TENM3: variants seen among roughly 807,000 people sequenced by gnomAD.
TENM3 encodes teneurin transmembrane protein 3.
Under a neutral mutation model 255.1 loss-of-function variants are expected in TENM3, and 63 were observed. That is an observed-to-expected ratio of 0.25 (90% CI 0.20 to 0.30). The LOEUF (loss-of-function observed/expected upper bound fraction) is 0.30. TENM3 is among the 10% of genes least tolerant of loss of function. The probability of loss-of-function intolerance (pLI) is 1.00; values close to 1 mark genes in which losing one functional copy is unlikely to be tolerated. For missense variants in TENM3, 2,929 were observed against 3,461.1 expected (o/e 0.85, Z 3.86); for synonymous variants, 1,306 against 1,322.3 (o/e 0.99, Z 0.27).
the TENM3 span, among the ~76,000 whole-genome samples, chr4:182,028,379 G>T: frequency 6.6e-6 from 1 of 152,000 alleles, no homozygotes; most frequent in African/African-American, 2.4e-5. Context: ...CTGGATAAAG[G>T]CTTGTCAATT....
intron 21 of TENM3, 57 bp downstream of exon 21, chr4:182,753,661 A>C: frequency 5.2e-6 from 8 of 1,548,830 alleles, no homozygotes; most frequent in Non-Finnish European, 7.1e-6. Context: ...TGACTTATTC[A>C]GTCGGTAGAC....
the TENM3 span, among the ~76,000 whole-genome samples, chr4:181,483,248 G>C: frequency 8.6e-5 from 13 of 152,042 alleles, no homozygotes; most frequent in Non-Finnish European, 1.2e-4. Context: ...TTTTGGGAAC[G>C]TGTTTTTTTA....
At chr4:182,670,816 C>T (rs755428161) in intron 6 of TENM3, among the ~76,000 whole-genome samples, 1 of 152,158 alleles carries the variant, frequency 6.6e-6, no homozygotes, top group Non-Finnish European at 1.5e-5. Context: ...ATTATATACA[C>T]ACACCCCACC....
chr4:182,519,538 A>G (rs1411946338), intron 3 of TENM3, among the ~76,000 whole-genome samples: 1 of 152,218 alleles, frequency 6.6e-6, no homozygotes, highest in Non-Finnish European at 1.5e-5. Flanking sequence ...AAGCAACCCC[A>G]GGAAAGCTTA....
chr4:182,728,383 C>T (rs1272849693), intron 13 of TENM3, among the ~76,000 whole-genome samples: 1 of 152,192 alleles, frequency 6.6e-6, no homozygotes, highest in African/African-American at 2.4e-5. Context: ...CCTTCATACT[C>T]CTACCAATAG....
chr4:181,998,971 T>A, the TENM3 span, among the ~76,000 whole-genome samples: 2 of 152,296 alleles, frequency 1.3e-5, 1 homozygote, highest in Non-Finnish European at 2.9e-5. Context: ...AAAACATCAT[T>A]CACTCCTGGA....
Position 182,501,089 on chromosome 4 carries a change from C to T in TENM3, c.512-99835C>T, listed in dbSNP as rs1160350961. On this transcript the variant is annotated intron_variant, in intron 3 of 27. Coordinates refer to ENST00000511685, the MANE Select transcript of TENM3 (RefSeq NM_001080477.4). ...TGTACAAAGTGAGGAGAAAGCCACA[C>T]AGCATTGGTCATCGAATGATTTAAT... is the stretch of plus-strand genomic sequence containing the variant. Among the ~76,000 whole-genome samples the T allele has an allele frequency of 2.0e-5, 3 of 152,052 alleles. No homozygotes were observed. In the East Asian group the frequency reaches 5.8e-4, roughly 29 times the overall value.
intron 4 of TENM3, among the ~76,000 whole-genome samples, chr4:182,607,999 T>G (rs1329515203): frequency 6.6e-6 from 1 of 152,194 alleles, no homozygotes; most frequent in Non-Finnish European, 1.5e-5. Flanking sequence ...GCCATTATCT[T>G]CATCTGAAAA....
intron 1 of TENM3, among the ~76,000 whole-genome samples, chr4:182,170,954 G>A (rs1579589710): frequency 2.6e-5 from 4 of 152,130 alleles, no homozygotes; most frequent in South Asian, 4.1e-4. Context: ...TACATCATCG[G>A]TAGTTTTGCA....
At chr4:181,835,204 G>T in the TENM3 span, 4 of 152,134 alleles carry the variant, frequency 2.6e-5, no homozygotes, top group Non-Finnish European at 5.9e-5. Flanking sequence ...TTAGAGAAGG[G>T]TTATATGTAC....
At chr4:182,299,108 T>C (rs1458132462) in intron 1 of TENM3, among the ~76,000 whole-genome samples, 4 of 149,358 alleles carry the variant, frequency 2.7e-5, no homozygotes, top group Non-Finnish European at 5.9e-5. Context: ...TGGGGCTTAC[T>C]GAGGACTGAA....
At chr4:182,213,328 A>G (rs1210610918) in intron 1 of TENM3, among the ~76,000 whole-genome samples, 2 of 152,228 alleles carry the variant, frequency 1.3e-5, no homozygotes, top group Non-Finnish European at 2.9e-5. Flanking sequence ...TTGAAAAGAA[A>G]TTATGTGAAT....
the TENM3 span, among the ~76,000 whole-genome samples, chr4:181,614,531 C>CATGTATTT: frequency 6.6e-6 from 1 of 152,076 alleles, no homozygotes; most frequent in South Asian, 2.1e-4. Context: ...GAGATATTAC[C>CATGTATTT]ATGTATTTTA....
At chr4:181,980,742 G>GA in the TENM3 span, among the ~76,000 whole-genome samples, 1 of 152,096 alleles carries the variant, frequency 6.6e-6, no homozygotes, top group Non-Finnish European at 1.5e-5. Flanking sequence ...GAATACAAAT[G>GA]AAAATGATTA....
At chr4:181,494,432 C>T in the TENM3 span, among the ~76,000 whole-genome samples, 2 of 151,990 alleles carry the variant, frequency 1.3e-5, no homozygotes, top group Admixed American at 1.3e-4. Context: ...TTACAGGTGT[C>T]CGCCACCACG....
chr4:182,020,253 C>T, the TENM3 span, among the ~76,000 whole-genome samples: 1 of 151,916 alleles, frequency 6.6e-6, no homozygotes, highest in Non-Finnish European at 1.5e-5. Flanking sequence ...GTAATCTCAG[C>T]TACTTGGGAG....
the TENM3 span, among the ~76,000 whole-genome samples, chr4:181,961,976 C>T: frequency 6.6e-6 from 1 of 151,848 alleles, no homozygotes; most frequent in Non-Finnish European, 1.5e-5. Context: ...TACACTAAGA[C>T]CCAAAACAGG....
At chr4:182,352,819 T>C (rs532150473) in intron 3 of TENM3, among the ~76,000 whole-genome samples, 5 of 152,152 alleles carry the variant, frequency 3.3e-5, no homozygotes, top group Non-Finnish European at 7.3e-5. Context: ...ACTGTAGTGA[T>C]AGCATTTCCA....
chr4:181,961,275 C>A, the TENM3 span, among the ~76,000 whole-genome samples: 1 of 152,212 alleles, frequency 6.6e-6, no homozygotes, highest in South Asian at 2.1e-4. Flanking sequence ...TAACATGCAA[C>A]TGTTTGCAAT....
Sources: gnomAD v4.1 joint callset for allele counts (sites outside exome capture counted in the v4.1 genomes callset) on GRCh38, gnomAD v4.1.1 for gene constraint, MANE v1.5 for transcripts, NCBI Gene and HGNC (gene_info 2026-07-23, HGNC 2026-07-21) for gene names.